The following USP42 variants were observed in gnomAD, a reference collection of about 807,000 sequenced individuals.
USP42 encodes ubiquitin carboxyl-terminal hydrolase 42.
In USP42, 23 loss-of-function variants were observed where a neutral mutation model predicts 113.0. The observed-to-expected ratio is 0.20, with a 90% confidence interval of 0.15 to 0.29. The LOEUF is 0.29. USP42 is among the 10% of genes least tolerant of loss of function. USP42 has a pLI of 1.00. For synonymous variants in USP42, 933 were observed against 699.0 expected, an observed-to-expected ratio of 1.33 and a Z score of -5.28; for missense variants, 2,174 against 1,779.8, an observed-to-expected ratio of 1.22 and a Z score of -3.99.
the USP42 span, among the ~76,000 whole-genome samples, chr7:6,085,480 T>G: frequency 2.0e-5 from 3 of 150,008 alleles, no homozygotes; most frequent in African/African-American, 7.5e-5. Flanking sequence ...TAAATCTTCC[T>G]CCTAGTGTTG....
At chr7:6,092,149 CTCTTCT>C in the USP42 span, among the ~76,000 whole-genome samples, 17 of 118,378 alleles carry the variant, frequency 1.4e-4, no homozygotes, top group South Asian at 5.3e-4. Context: ...CTTCCTCTTC[CTCTTCT>C]TCTTCTTCTT....
At position 6,157,282 on chromosome 7, in the gene USP42, T is replaced by C. The variant is rs1583701018; in HGVS notation, c.3943+227T>C. 1.6e-6 allele frequency: 2 copies of C among 1,266,868 alleles called. No individual in the cohort carries two copies. Among genetic ancestry groups the C allele is most frequent in the Non-Finnish European group, 2.0e-6 (2 of 1,007,726 alleles). 78.5% of individuals were successfully genotyped at this position (1,266,868 alleles called of 1,614,324 possible). ...ATTGAAGGCCTAAGTGACACAGGAC[T>C]GAGGGCAGCACTACCTGTGTCACCA... On this transcript the variant is annotated intron_variant, in intron 16 of 17. Transcript: ENST00000306177. The surrounding 1 kb of genome is among the most constrained non-coding windows in gnomAD (Gnocchi z 4.1).
chr7:6,150,031 C>A lies in USP42; in HGVS notation c.1835C>A (p.Ser612Tyr), dbSNP rs1249182948. Residue 612 changes from serine to tyrosine, a missense_variant, in exon 13 of 18, where the codon TCT becomes TAT. Physicochemically the swap from Ser to Tyr is moderately radical, Grantham distance 144. Transcript: ENST00000306177. ...CTGGTGCCCTATGGCGCCGAGTCCT[C>A]TGAGGACTCTGACGAGGAGTCAAAG... Reference protein sequence around the residue: ...SVLVPYGAESSEDSDEESKGL... With the variant: ...SVLVPYGAESYEDSDEESKGL... The A allele has an allele frequency of 2.5e-6, 4 of 1,611,756 alleles. No individual in the cohort carries two copies. The African/African-American group carries it at 5.3e-5, about 22-fold the overall frequency.
Position 6,139,870 on chromosome 7 carries a change from C to T in USP42, c.657-258C>T. 1.9e-6 allele frequency: 1 copy of T among 540,364 alleles called. No homozygotes were observed. The highest frequency in any genetic ancestry group is 1.9e-5 in the African/African-American group (1 of 52,354). The allele number at this position is 540,364 out of a possible 1,614,324, so 33.5% of individuals were successfully genotyped here. A position where few individuals can be genotyped will look rare whatever the true frequency, so the allele number is the denominator to read the frequency against. On this transcript the variant is annotated intron_variant, in intron 5 of 17. Coordinates refer to ENST00000306177, the MANE Select transcript of USP42 (RefSeq NM_032172.3). This position sits in a 1 kb window ranked among gnomAD's most constrained non-coding sequence, Gnocchi z 4.5. Reference sequence around the variant, plus strand: ...ATCTTCCTGCTTCAGGACCAGACTCCTGCCTTGCTTCCCGAGTCCCTTCCT... The same window carrying T: ...ATCTTCCTGCTTCAGGACCAGACTCTTGCCTTGCTTCCCGAGTCCCTTCCT...
chr7:6,130,315 G>A (rs529027027), intron 3 of USP42, among the ~76,000 whole-genome samples: 1 of 152,370 alleles, frequency 6.6e-6, no homozygotes, highest in African/African-American at 2.4e-5. Context: ...ATTGGGGATC[G>A]TTGTCCCTGC....
At chr7:6,142,361 C>T (rs1372234981) in intron 7 of USP42, among the ~76,000 whole-genome samples, 5 of 151,850 alleles carry the variant, frequency 3.3e-5, no homozygotes, top group African/African-American at 7.3e-5. Flanking sequence ...GGACTACAGG[C>T]GCGTGCCACT....
Position 6,128,256 on chromosome 7 carries a change from C to CTTT in USP42, c.443-7570_443-7568dup, listed in dbSNP as rs376183536. On this transcript the variant is annotated intron_variant, in intron 3 of 17. Transcript: ENST00000306177. Reference sequence around the variant, plus strand: ...GTGTGAGCCACTGTGCCTGGCCCTGCTTTTTTTTTTTTTTTTTCCTCCTTG... The same window carrying CTTT: ...GTGTGAGCCACTGTGCCTGGCCCTGCTTTTTTTTTTTTTTTTTTTTCCTCCTTG... The CTTT allele has an allele frequency of 1.7e-4, 23 of 134,816 alleles. No homozygotes were observed. In the Middle Eastern group the frequency reaches 0.012, roughly 71 times the overall value. 8.4% of individuals were successfully genotyped at this position (134,816 alleles called of 1,614,324 possible).
chr7:6,110,130 G>A (rs988627026), intron 1 of USP42, among the ~76,000 whole-genome samples: 2 of 152,110 alleles, frequency 1.3e-5, no homozygotes, highest in Non-Finnish European at 2.9e-5. Flanking sequence ...CACCGCGCCC[G>A]GCCTCCTGAA....
rs779379320 is a variant in USP42 at position 6,157,064 on chromosome 7, A to G, written c.3943+9A>G. On this transcript the variant is annotated intron_variant, in intron 16 of 17. Coordinates refer to ENST00000306177, the MANE Select transcript of USP42 (RefSeq NM_032172.3). The surrounding 1 kb of genome is among the most constrained non-coding windows in gnomAD (Gnocchi z 4.1). ...CTTTGAGTATGGCCAGGGTAAGAGG[A>G]GATACTTGGAATTAGGAAGATAGAA... 6.4e-7 allele frequency: 1 copy of G among 1,571,024 alleles called. No homozygotes were observed. The highest frequency in any genetic ancestry group is 1.2e-5 in the South Asian group (1 of 85,002).
chr7:6,119,288 C>G (rs529995797), intron 3 of USP42, among the ~76,000 whole-genome samples: 3 of 152,220 alleles, frequency 2.0e-5, no homozygotes, highest in African/African-American at 7.2e-5. Context: ...GCCTGGGCAA[C>G]ATTGTGAGAC....
At chr7:6,101,280 G>T (rs562806873), upstream of USP42, among the ~76,000 whole-genome samples, 452 of 151,160 alleles carry the variant, frequency 3.0e-3, 1 homozygote, top group Non-Finnish European at 3.0e-3. Context: ...CCCACTGCAG[G>T]CTCCCTAAGT....
chr7:6,085,348 A>G, the USP42 span: 1 of 149,346 alleles, frequency 6.7e-6, no homozygotes, highest in Non-Finnish European at 1.5e-5. Context: ...GCTGGTCTGG[A>G]TCTCCTGACC....
chr7:6,138,892 C>A (rs1202984466), intron 4 of USP42, among the ~76,000 whole-genome samples, 200 bp from the exon 5 acceptor site: 2 of 152,126 alleles, frequency 1.3e-5, no homozygotes, highest in Non-Finnish European at 2.9e-5. Flanking sequence ...CCCTGGTGCC[C>A]AAACGGTTGG....
Position 6,150,412 on chromosome 7 carries a change from T to A in USP42, c.2107T>A (p.Leu703Met), listed in dbSNP as rs776889941. 6.2e-7 allele frequency: 1 copy of A among 1,613,754 alleles called. No homozygotes were observed. Among genetic ancestry groups the A allele is most frequent in the South Asian group, 1.1e-5 (1 of 91,084 alleles). Residue 703 changes from leucine to methionine, a missense_variant and splice_region_variant, in exon 14 of 18, where the codon TTG becomes ATG. Transcript: ENST00000306177. ...TGAAATATTTTTGTTTTTATTGCAG[T>A]TGATGCCTGCTCCTTTGCTGTCTCT... The part of the protein sequence containing the change: ...FAKANGLPGK[L>M]MPAPLLSLPE...
chr7:6,107,179 A>G (rs1279644614), intron 1 of USP42, among the ~76,000 whole-genome samples: 1 of 152,138 alleles, frequency 6.6e-6, no homozygotes, highest in Admixed American at 6.6e-5. Flanking sequence ...GATGACTTGA[A>G]TTGTGCTTTC....
Position 6,152,929 on chromosome 7 carries a change from C to T in USP42, c.2202-827C>T, listed in dbSNP as rs373704577. 148 of 985,286 alleles carry T rather than the reference C, an allele frequency of 1.5e-4. 3 individuals are homozygous for T. In the African/African-American group the frequency reaches 2.4e-3, roughly 16 times the overall value. 61.0% of individuals were successfully genotyped at this position (985,286 alleles called of 1,614,324 possible). ...GGAGTCGAGAGGAAAGGAGGAGGCC[C>T]TGTCATCACTGGACTTTTTTTCTTT... On this transcript the variant is annotated intron_variant, in intron 14 of 17. Transcript: ENST00000306177.
intron 15 of USP42, among the ~76,000 whole-genome samples, chr7:6,155,873 C>T (rs1314181117): frequency 1.1e-4 from 17 of 152,054 alleles, no homozygotes; most frequent in Admixed American, 1.1e-3. Context: ...TGCTTCAGCC[C>T]TCAGCCTCTG....
At chr7:6,133,891 CTTTTTTT>C (rs386409441) in intron 3 of USP42, among the ~76,000 whole-genome samples, 1 of 129,034 alleles carries the variant, frequency 7.7e-6, no homozygotes, top group African/African-American at 2.9e-5. Flanking sequence ...GTTTCTTCTT[CTTTTTTT>C]TTTTTTTTTT....
At chr7:6,133,000 A>G (rs780147251) in intron 3 of USP42, among the ~76,000 whole-genome samples, 6 of 152,106 alleles carry the variant, frequency 3.9e-5, no homozygotes, top group Non-Finnish European at 7.4e-5. Flanking sequence ...AGTGCTTTTA[A>G]GATTTTTATC....
Sources: allele counts gnomAD v4.1 joint callset (sites outside exome capture counted in the v4.1 genomes callset), GRCh38; gene constraint gnomAD v4.1.1; non-coding constraint Gnocchi (gnomAD v3.1); transcripts MANE v1.5; gene names NCBI Gene and HGNC (gene_info 2026-07-23, HGNC 2026-07-21).